The following DGKB variants were observed in gnomAD, a reference collection of about 807,000 sequenced individuals.
The protein encoded by DGKB is 90 kDa diacylglycerol kinase.
DGKB carries 67 observed loss-of-function variants against 114.3 expected under a neutral mutation model. That is an observed-to-expected ratio of 0.59 (90% CI 0.48 to 0.72). The LOEUF (loss-of-function observed/expected upper bound fraction) is 0.72, where lower values mean the gene tolerates loss of function less well. DGKB is among the 30% of genes least tolerant of loss of function. The pLI is 0.00. For missense variants in DGKB, 907 were observed against 975.2 expected (o/e 0.93, Z 0.93); for synonymous variants, 398 against 323.1 (o/e 1.23, Z -2.49).
At chr7:14,261,507 A>G (rs1385177308) in intron 23 of DGKB, among the ~76,000 whole-genome samples, 1 of 152,140 alleles carries the variant, frequency 6.6e-6, no homozygotes, top group Non-Finnish European at 1.5e-5. Flanking sequence ...TTATTCAACA[A>G]AAACACCTAA....
chr7:14,577,945 C>G (rs1009107296), intron 19 of DGKB, among the ~76,000 whole-genome samples: 3 of 152,096 alleles, frequency 2.0e-5, no homozygotes, highest in African/African-American at 7.2e-5. Flanking sequence ...GTACTTAACA[C>G]AAACATTGAT....
At chr7:14,333,612 A>C (rs980075765) in intron 23 of DGKB, among the ~76,000 whole-genome samples, 3 of 152,134 alleles carry the variant, frequency 2.0e-5, no homozygotes, top group African/African-American at 4.8e-5. Context: ...AGACATATAT[A>C]TATAATCAAA....
chr7:14,813,147 TA>T (rs1472878844), intron 2 of DGKB, among the ~76,000 whole-genome samples: 1 of 152,224 alleles, frequency 6.6e-6, no homozygotes, highest in Non-Finnish European at 1.5e-5. Context: ...GTAATTTTAT[TA>T]ATAACCAGAA....
intron 22 of DGKB, among the ~76,000 whole-genome samples, chr7:14,342,757 A>G (rs1236383126): frequency 1.3e-5 from 2 of 152,070 alleles, no homozygotes; most frequent in Non-Finnish European, 2.9e-5. Flanking sequence ...CCTGTGAGAC[A>G]GTTAATAATA....
chr7:14,818,433 C>T (rs1844463629), intron 2 of DGKB, among the ~76,000 whole-genome samples: 1 of 151,692 alleles, frequency 6.6e-6, no homozygotes, highest in Non-Finnish European at 1.5e-5. Flanking sequence ...TGATAAATAG[C>T]CAGGCTGTGT....
intron 23 of DGKB, among the ~76,000 whole-genome samples, chr7:14,195,769 A>G (rs547317440): frequency 2.1e-4 from 32 of 152,194 alleles, no homozygotes; most frequent in Non-Finnish European, 4.1e-4. Flanking sequence ...AGGACAGAAC[A>G]TGATGATGAG....
intron 23 of DGKB, among the ~76,000 whole-genome samples, chr7:14,203,318 C>T (rs1319583509): frequency 6.6e-6 from 1 of 151,760 alleles, no homozygotes; most frequent in Non-Finnish European, 1.5e-5. Flanking sequence ...GGTTGAGGAA[C>T]AAACAATAAA....
At chr7:14,225,195 CTGTTTTGCAGTCT>C (rs1790595287) in intron 23 of DGKB, among the ~76,000 whole-genome samples, 1 of 152,094 alleles carries the variant, frequency 6.6e-6, no homozygotes, top group Non-Finnish European at 1.5e-5. Context: ...ATGGAGCTTT[CTGTTTTGCAGTCT>C]GTTTCTTCCC....
At chr7:14,443,297 A>C (rs570704634) in intron 21 of DGKB, among the ~76,000 whole-genome samples, 1 of 152,186 alleles carries the variant, frequency 6.6e-6, no homozygotes, top group South Asian at 2.1e-4. Context: ...TTTGTTGTTG[A>C]CCTCTCAATC....
chr7:14,879,691 T>C (rs1011711967), intron 1 of DGKB, among the ~76,000 whole-genome samples: 2 of 152,208 alleles, frequency 1.3e-5, no homozygotes, highest in Non-Finnish European at 2.9e-5. Flanking sequence ...GTCCCTTTAG[T>C]TGGGAAGAAT....
At chr7:14,972,085 T>G (rs991186602) in intron 1 of DGKB, among the ~76,000 whole-genome samples, 3 of 152,070 alleles carry the variant, frequency 2.0e-5, no homozygotes, top group Non-Finnish European at 4.4e-5. Context: ...ATTATATTGC[T>G]ACAGAAAATA....
At chr7:14,696,820 A>C (rs1449945286) in intron 8 of DGKB, among the ~76,000 whole-genome samples, 1 of 152,208 alleles carries the variant, frequency 6.6e-6, no homozygotes, top group Non-Finnish European at 1.5e-5. Flanking sequence ...CAGCATATGC[A>C]TTTCCCAATA....
chr7:14,827,078 T>C (rs1297993543), intron 2 of DGKB, among the ~76,000 whole-genome samples: 1 of 152,028 alleles, frequency 6.6e-6, no homozygotes, highest in Non-Finnish European at 1.5e-5. Flanking sequence ...AGACTAAGAA[T>C]GGTCTACAAG....
intron 20 of DGKB, among the ~76,000 whole-genome samples, chr7:14,565,901 C>A (rs1455732789): frequency 1.3e-5 from 2 of 152,124 alleles, no homozygotes; most frequent in Non-Finnish European, 1.5e-5. Flanking sequence ...TTTAAGTGAG[C>A]AGCCAGATTA....
intron 2 of DGKB, among the ~76,000 whole-genome samples, chr7:14,788,641 C>T (rs1840225269): frequency 6.6e-6 from 1 of 152,096 alleles, no homozygotes; most frequent in South Asian, 2.1e-4. Context: ...TTTAAACTAG[C>T]CCATCCCAAG....
intron 21 of DGKB, among the ~76,000 whole-genome samples, chr7:14,441,935 T>C (rs1444444004): frequency 6.6e-6 from 1 of 152,054 alleles, no homozygotes; most frequent in Non-Finnish European, 1.5e-5. Context: ...GCAGTAGATA[T>C]ACATACATAT....
intron 6 of DGKB, 63 bp downstream of exon 6, chr7:14,718,475 TAATC>T: frequency 2.8e-6 from 4 of 1,414,274 alleles, no homozygotes; most frequent in Non-Finnish European, 3.8e-6. Context: ...AATTTTAAGT[TAATC>T]AATATCCAGT....
chr7:14,927,579 A>G (rs577737593), intron 1 of DGKB, among the ~76,000 whole-genome samples: 17 of 151,980 alleles, frequency 1.1e-4, no homozygotes, highest in African/African-American at 3.6e-4. Context: ...CACAGAAGTC[A>G]TGGTCAAAAA....
In DGKB at chr7:14,393,658, A is replaced by G. The variant is rs188501704; in HGVS notation, c.1836-48267T>C. Among the ~76,000 whole-genome samples the G allele has an allele frequency of 1.1e-4, 16 of 152,292 alleles. No individual in the cohort carries two copies. The East Asian group carries it at 2.1e-3, about 20-fold the overall frequency. ...TATTTACATTGCTAATTTAGCTGAT[A>G]CAACATCTTTAGGCCTTTATCTTCT... On this transcript the variant is annotated intron_variant, in intron 21 of 25. Coordinates refer to ENST00000402815, the MANE Select transcript of DGKB (RefSeq NM_001350709.2).
Sources: allele counts gnomAD v4.1 joint callset (sites outside exome capture counted in the v4.1 genomes callset), GRCh38; gene constraint gnomAD v4.1.1; transcripts MANE v1.5; gene names NCBI Gene and HGNC (gene_info 2026-07-23, HGNC 2026-07-21).